Variants in CUX2 observed in about 807,000 individuals in gnomAD.
CUX2 encodes homeobox protein cut-like 2.
A neutral mutation model predicts 144.8 loss-of-function variants in CUX2; 40 were observed. That is an observed-to-expected ratio of 0.28 (90% confidence interval 0.21 to 0.36). The LOEUF (loss-of-function observed/expected upper bound fraction) is 0.36. Ranked by LOEUF, CUX2 falls within the 10% of genes least tolerant of loss-of-function variation. The probability of loss-of-function intolerance (pLI) is 1.00; values close to 1 mark genes in which losing one functional copy is unlikely to be tolerated. For synonymous variants in CUX2, 827 were observed against 875.6 expected (o/e 0.94, Z 0.98); for missense variants, 1,615 against 1,994.0 (o/e 0.81, Z 3.62).
chr12:111,198,466 C>A (rs1032472177), intron 1 of CUX2, among the ~76,000 whole-genome samples: 13 of 138,478 alleles, frequency 9.4e-5, no homozygotes, highest in Admixed American at 7.6e-4. Context: ...CAGAGTGAGA[C>A]CCTGTCTCAA....
rs532774695 is a variant in CUX2, at chr12:111,219,597, A to G, written c.222+1660A>G. 5.9e-5 allele frequency among the ~76,000 whole-genome samples: 9 copies of G among 152,250 alleles called. No individual in the cohort carries two copies. The East Asian group carries it at 1.5e-3, about 26-fold the overall frequency. ...GCCTCTTAGAGCCTCAGTTTTCCCTATCTGTTAAATGGGAGTATAAAGACA... is the reference window on the plus strand; with the variant it reads ...GCCTCTTAGAGCCTCAGTTTTCCCTGTCTGTTAAATGGGAGTATAAAGACA... On this transcript the variant is annotated intron_variant, in intron 3 of 21. Coordinates refer to ENST00000261726, the MANE Select transcript of CUX2 (RefSeq NM_015267.4).
rs953789248 is a variant in CUX2 at position 111,148,672 on chromosome 12, G to A, written c.64-65528G>A. On this transcript the variant is annotated intron_variant, in intron 1 of 21. Transcript: ENST00000261726. ...ACAAAGTATCTCCTGTAATTCCTCC[G>A]ATAATCCTGAAGAAGTAGATACTAT... Among the ~76,000 whole-genome samples, 10 of 152,088 alleles carry A rather than the reference G, an allele frequency of 6.6e-5. No homozygotes were observed. The South Asian group carries it at 1.0e-3, about 16-fold the overall frequency.
chr12:111,228,141 G>A (rs1882262132), intron 3 of CUX2, among the ~76,000 whole-genome samples: 1 of 152,152 alleles, frequency 6.6e-6, no homozygotes, highest in Admixed American at 6.5e-5. Context: ...ACATGCTCCT[G>A]TCTCTAAGCT....
intron 3 of CUX2, among the ~76,000 whole-genome samples, chr12:111,249,400 CTT>C (rs778334868): frequency 0.018 from 1,416 of 80,038 alleles, 41 homozygotes; most frequent in African/African-American, 0.062. Flanking sequence ...GTGCTATTGC[CTT>C]TTTTTTTTTT....
At chr12:111,260,464 A>AG in intron 3 of CUX2, among the ~76,000 whole-genome samples, 1 of 149,720 alleles carries the variant, frequency 6.7e-6, no homozygotes, top group East Asian at 1.9e-4. Context: ...ACTCTGTCTC[A>AG]GGAAAAAAAA....
At position 111,308,480 on chromosome 12, in the gene CUX2, C is replaced by G; in HGVS notation, c.1212C>G (p.Pro404=). 2 of 1,614,070 alleles carry G rather than the reference C, an allele frequency of 1.2e-6. No individual in the cohort carries two copies. The highest frequency in any genetic ancestry group is 1.3e-5 in the African/African-American group (1 of 75,046). ...TTATTGCAAAGGAGGCCTTCTTCCC[C>G]ACGCAGAAATTCCTTCTGGAGAAGC... The part of the protein sequence containing the change: ...SLLIAKEAFF[P]TQKFLLEKPS... The change falls in exon 14 of 22, where the codon CCC becomes CCG. Residue 404 remains proline (P), a synonymous_variant. Transcript: ENST00000261726.
chr12:111,226,618 G>A (rs1216381762), intron 3 of CUX2, among the ~76,000 whole-genome samples: 2 of 151,992 alleles, frequency 1.3e-5, no homozygotes, highest in East Asian at 3.9e-4. Flanking sequence ...TTTAATCTTG[G>A]AGTCATGGAC....
Position 111,111,765 on chromosome 12 carries a change from G to A in CUX2, c.63+77525G>A, listed in dbSNP as rs541699469. On this transcript the variant is annotated intron_variant, in intron 1 of 21. Transcript: ENST00000261726. ...AACAAGAAAACCCAACAGTACAGTT[G>A]GCCAATTGCTGGGCCTTTCTGGACT... 2.6e-5 allele frequency among the ~76,000 whole-genome samples: 4 copies of A among 152,216 alleles called. No individual in the cohort carries two copies. In the South Asian group the frequency reaches 8.3e-4, roughly 32 times the overall value.
chr12:111,322,043 C>T lies in CUX2; in HGVS notation c.2767-378C>T, dbSNP rs564864079. On this transcript the variant is annotated intron_variant, in intron 17 of 21. Transcript: ENST00000261726. The surrounding 1 kb of genome is among the most constrained non-coding windows in gnomAD (Gnocchi z 4.2). ...GGAGGGGAGGGGATGGGAGGCTGGG[C>T]ATGGTGGCTCACACCTATAATCCCA... is the stretch of plus-strand genomic sequence containing the variant. 3.9e-5 allele frequency among the ~76,000 whole-genome samples: 6 copies of T among 152,104 alleles called. No homozygotes were observed. The highest frequency in any genetic ancestry group is 1.4e-4 in the African/African-American group (6 of 41,482).
rs78678349 is a variant in CUX2, at chr12:111,111,108, C to T, written c.63+76868C>T. Among the ~76,000 whole-genome samples the T allele has an allele frequency of 4.2e-3, 642 of 152,244 alleles. 26 individuals are homozygous for T. In the East Asian group the frequency reaches 0.086, roughly 21 times the overall value. ...CCTGAGGTCAGGAGTTCGAGACCAC[C>T]GTGGCCAACATGGTGAAACCCCATC... On this transcript the variant is annotated intron_variant, in intron 1 of 21. Transcript: ENST00000261726.
chr12:111,347,427 G>A (rs1888851290), intron 21 of CUX2, 97 bp from the exon 22 acceptor site: 3 of 1,150,168 alleles, frequency 2.6e-6, no homozygotes, highest in Admixed American at 2.3e-5. Flanking sequence ...GAGAGCCCCA[G>A]GGCAGTGGGT....
rs1316611085 is a variant in CUX2, at chr12:111,190,377, T to G, written c.64-23823T>G. 6.6e-6 allele frequency among the ~76,000 whole-genome samples: 1 copy of G among 152,148 alleles called. No individual in the cohort carries two copies. The highest frequency in any genetic ancestry group is 1.5e-5 in the Non-Finnish European group (1 of 68,030). On this transcript the variant is annotated intron_variant, in intron 1 of 21. Transcript: ENST00000261726. The surrounding 1 kb of genome is among the most constrained non-coding windows in gnomAD (Gnocchi z 4.0). ...TAACCAGATTACAGTATGTTGCTGG[T>G]GGGATTATCTTTCAGCTAGTTATTC... is the stretch of plus-strand genomic sequence containing the variant.
At chr12:111,204,088 C>G (rs73415964) in intron 1 of CUX2, among the ~76,000 whole-genome samples, 6,164 of 152,292 alleles carry the variant, frequency 0.04, 424 homozygotes, top group African/African-American at 0.14. Flanking sequence ...TCCTGCCAGT[C>G]CCCAGAGAGA....
chr12:111,045,627 G>T (rs770196858), intron 1 of CUX2, among the ~76,000 whole-genome samples: 4 of 152,150 alleles, frequency 2.6e-5, no homozygotes, highest in Non-Finnish European at 4.4e-5. Context: ...TCTTAAAATG[G>T]GAGGGCATTT....
At chr12:111,209,592 T>G (rs1417205904) in intron 1 of CUX2, among the ~76,000 whole-genome samples, 1 of 152,174 alleles carries the variant, frequency 6.6e-6, no homozygotes, top group East Asian at 1.9e-4. Flanking sequence ...CTGAGCGACC[T>G]TGAGGATTCC....
At chr12:111,121,369 C>CTTTTTTTTTTTTTTTTTTTTTTTTTTT (rs5800920) in intron 1 of CUX2, among the ~76,000 whole-genome samples, 27 of 59,036 alleles carry the variant, frequency 4.6e-4, no homozygotes, top group South Asian at 1.0e-3. Flanking sequence ...TTTCTTTTTT[C>CTTTTTTTTTTTTTTTTTTTTTTTTTTT]TTTTTTTTTT....
At chr12:111,044,409 GC>G (rs571484573) in intron 1 of CUX2, among the ~76,000 whole-genome samples, 69 of 149,894 alleles carry the variant, frequency 4.6e-4, no homozygotes, top group Non-Finnish European at 8.4e-4. Context: ...CTTTATTCAA[GC>G]CCCTGTGGCC....
chr12:111,270,592 C>G (rs532459517), intron 4 of CUX2: 1 of 148,940 alleles, frequency 6.7e-6, no homozygotes, highest in Non-Finnish European at 1.5e-5. Context: ...TCACTAGGTA[C>G]GGACCCAAGC....
At chr12:111,177,791 C>T (rs954739664) in intron 1 of CUX2, among the ~76,000 whole-genome samples, 6 of 152,174 alleles carry the variant, frequency 3.9e-5, no homozygotes, top group African/African-American at 1.2e-4. Flanking sequence ...AGGGCTGGCC[C>T]GAGGCCTGGG....
Sources: allele counts gnomAD v4.1 joint callset (sites outside exome capture counted in the v4.1 genomes callset), GRCh38; gene constraint gnomAD v4.1.1; non-coding constraint Gnocchi (gnomAD v3.1); transcripts MANE v1.5; gene names NCBI Gene and HGNC (gene_info 2026-07-23, HGNC 2026-07-21).